The following FBXO3 variants were observed in gnomAD, a reference collection of about 807,000 sequenced individuals.
The protein encoded by FBXO3 is F-box only protein 3.
Under a neutral mutation model 64.8 loss-of-function variants are expected in FBXO3, and 17 were observed. The ratio of observed to expected loss-of-function variants is 0.26; its 90% CI spans 0.18 to 0.39. The LOEUF is 0.39. Among genes scored for constraint, FBXO3 ranks in the 10% least tolerant of loss-of-function variants. The pLI is 1.00. For missense variants in FBXO3, 420 were observed against 589.9 expected (o/e 0.71, Z 2.98); for synonymous variants, 182 against 201.6 (o/e 0.90, Z 0.82).
intron 3 of FBXO3, among the ~76,000 whole-genome samples, chr11:33,767,413 C>G (rs1389038818): frequency 1.3e-5 from 2 of 152,228 alleles, no homozygotes; most frequent in African/African-American, 2.4e-5. Context: ...CATTCTCCTG[C>G]CTCAGCCTCC....
chr11:33,749,633 C>T (rs1033596978), intron 8 of FBXO3, among the ~76,000 whole-genome samples: 80 of 152,052 alleles, frequency 5.3e-4, no homozygotes, highest in African/African-American at 1.9e-3. Flanking sequence ...CAAAGTGCTG[C>T]GATTATAGGC....
chr11:33,740,985 T>C lies in FBXO3; in HGVS notation c.*923A>G, dbSNP rs1455272529. 6.5e-6 allele frequency: 1 copy of C among 152,694 alleles called. No individual in the cohort carries two copies. Among genetic ancestry groups the C allele is most frequent in the Non-Finnish European group, 1.5e-5 (1 of 68,048 alleles). 9.5% of individuals were successfully genotyped at this position (152,694 alleles called of 1,614,324 possible). A position where few individuals can be genotyped will look rare whatever the true frequency, so the allele number is the denominator to read the frequency against. On this transcript the variant is annotated 3_prime_UTR_variant, in exon 11 of 11. Transcript: ENST00000265651. Reference sequence around the variant, plus strand: ...CTTTTAAAATGTGAGTTTTTAACACTTGAAGGATTTCATTCTTAACTCTCA... The same window carrying C: ...CTTTTAAAATGTGAGTTTTTAACACCTGAAGGATTTCATTCTTAACTCTCA...
intron 3 of FBXO3, 133 bp from the exon 4 acceptor site, chr11:33,758,734 AG>A: frequency 1.8e-6 from 1 of 543,652 alleles, no homozygotes. Context: ...CTGAAATAGA[AG>A]GAAATGAATT....
intron 8 of FBXO3, among the ~76,000 whole-genome samples, chr11:33,749,633 C>G (rs1033596978): frequency 5.9e-5 from 9 of 152,050 alleles, no homozygotes; most frequent in African/African-American, 2.2e-4. Context: ...CAAAGTGCTG[C>G]GATTATAGGC....
At chr11:33,742,216 T>A in intron 10 of FBXO3, 132 bp from the exon 11 acceptor site, 1 of 769,442 alleles carries the variant, frequency 1.3e-6, no homozygotes, top group Non-Finnish European at 1.9e-6. Flanking sequence ...ACTTGAACAG[T>A]GGATTCTCAC....
intron 10 of FBXO3, chr11:33,746,663 C>G: frequency 1.8e-6 from 2 of 1,091,500 alleles, no homozygotes; most frequent in Non-Finnish European, 2.7e-6. Flanking sequence ...ACCCTAAAAA[C>G]GAGATTTTAA....
chr11:33,763,351 T>C, intron 3 of FBXO3: 1 of 410,458 alleles, frequency 2.4e-6, no homozygotes. Context: ...GATGTAAAAA[T>C]TCCAATAAAA....
intron 3 of FBXO3, among the ~76,000 whole-genome samples, chr11:33,764,107 GAA>G (rs1855309660): frequency 6.6e-6 from 1 of 152,104 alleles, no homozygotes; most frequent in Non-Finnish European, 1.5e-5. Context: ...GTAATAGCCA[GAA>G]ATAGAAATAA....
At chr11:33,756,875 C>T (rs1454105530) in intron 4 of FBXO3, among the ~76,000 whole-genome samples, 1 of 152,078 alleles carries the variant, frequency 6.6e-6, no homozygotes, top group Non-Finnish European at 1.5e-5. Flanking sequence ...GTGCATGCTA[C>T]CAAGTCTGGC....
chr11:33,768,818 G>A, intron 3 of FBXO3, 33 bp downstream of exon 3: 2 of 1,612,994 alleles, frequency 1.2e-6, no homozygotes, highest in Non-Finnish European at 8.5e-7. Flanking sequence ...AACAGTAATG[G>A]AAACGGGGAA....
chr11:33,763,626 CAAA>C (rs33923647), intron 3 of FBXO3, among the ~76,000 whole-genome samples: 25,187 of 102,722 alleles, frequency 0.25, 2,386 homozygotes, highest in African/African-American at 0.39. Context: ...AGAATATCTA[CAAA>C]AAAAAAAAAA....
chr11:33,763,743 C>T (rs1855299167), intron 3 of FBXO3, among the ~76,000 whole-genome samples: 1 of 151,940 alleles, frequency 6.6e-6, no homozygotes, highest in Non-Finnish European at 1.5e-5. Flanking sequence ...CATTACTCCT[C>T]TCCAACACTG....
intron 3 of FBXO3, among the ~76,000 whole-genome samples, chr11:33,764,986 C>CA (rs901979044): frequency 5.9e-4 from 89 of 151,660 alleles, no homozygotes; most frequent in Middle Eastern, 3.4e-3. Flanking sequence ...AACAAACAAA[C>CA]AAAAAAAACT....
At chr11:33,756,920 G>A in intron 4 of FBXO3, 2 of 481,800 alleles carry the variant, frequency 4.2e-6, no homozygotes, top group Non-Finnish European at 8.2e-6. Context: ...ATAGAGACAG[G>A]CAGGATCTTG....
chr11:33,754,381 T>A, intron 6 of FBXO3, 74 bp downstream of exon 6: 1 of 1,333,408 alleles, frequency 7.5e-7, no homozygotes, highest in East Asian at 2.5e-5. Flanking sequence ...GCTGAAAAAG[T>A]TTTTACCATT....
rs1462031274 is a variant in FBXO3 at position 33,755,875 on chromosome 11, A to G, written c.574T>C (p.Tyr192His). ...GGFQQRQGLK[Y>H]CLPLTFCIHT... ...ATGCAAAAAGTTAAAGGGAGACAGT[A>G]TTTCAGTCCCTGTCTCTGCTGGAAT... Residue 192 changes from tyrosine (Y) to histidine (H), a missense_variant, in exon 5 of 11, where the codon TAC (tyrosine) becomes CAC (histidine). Physicochemically the swap from Tyr to His is moderately conservative, Grantham distance 83. Coordinates refer to ENST00000265651, the MANE Select transcript of FBXO3 (RefSeq NM_012175.4). The G allele has an allele frequency of 1.2e-6, 2 of 1,613,838 alleles. No homozygotes were observed. The highest frequency in any genetic ancestry group is 8.5e-7 in the Non-Finnish European group (1 of 1,179,696).
At chr11:33,770,621 C>T (rs1376250555) in intron 2 of FBXO3, 120 bp downstream of exon 2, 3 of 693,564 alleles carry the variant, frequency 4.3e-6, no homozygotes, top group Non-Finnish European at 7.4e-6. Flanking sequence ...CTAGCAGGCA[C>T]GAGAAGAGCC....
intron 1 of FBXO3, chr11:33,773,814 T>C (rs1855568863): frequency 6.6e-6 from 1 of 152,508 alleles, no homozygotes. Context: ...CATCGAACCG[T>C]AAGGAGCAAT....
intron 4 of FBXO3, chr11:33,757,176 T>C (rs959692591): frequency 6.6e-6 from 3 of 455,978 alleles, no homozygotes; most frequent in Non-Finnish European, 1.3e-5. Context: ...ATAAGAACAG[T>C]GCAAAGTTCT....
Sources: gnomAD v4.1 joint callset for allele counts (sites outside exome capture counted in the v4.1 genomes callset) on GRCh38, gnomAD v4.1.1 for gene constraint, MANE v1.5 for transcripts, NCBI Gene and HGNC (gene_info 2026-07-23, HGNC 2026-07-21) for gene names.